SH3GL3: variants seen among roughly 807,000 people sequenced by gnomAD.
The protein encoded by SH3GL3 is endophilin-A3.
In SH3GL3, 33 loss-of-function variants were observed where a neutral mutation model predicts 47.7. The observed-to-expected ratio is 0.69, with a 90% CI of 0.52 to 0.92. The LOEUF (loss-of-function observed/expected upper bound fraction) is 0.92. Ranked by LOEUF, SH3GL3 falls within the 40% of genes least tolerant of loss-of-function variation. The pLI, the probability that SH3GL3 is intolerant of heterozygous loss-of-function variation, is 0.00. For missense variants in SH3GL3, 363 were observed against 417.8 expected (o/e 0.87, Z 1.14); for synonymous variants, 155 against 148.8 (o/e 1.04, Z -0.30).
chr15:83,548,489 C>T (rs1896812), intron 1 of SH3GL3, among the ~76,000 whole-genome samples: 12,884 of 151,418 alleles, frequency 0.085, 623 homozygotes, highest in East Asian at 0.17. Flanking sequence ...GGTGTTTGTC[C>T]GTTGTGAGAA....
At chr15:83,517,159 C>T (rs969849875) in intron 1 of SH3GL3, among the ~76,000 whole-genome samples, 4 of 151,364 alleles carry the variant, frequency 2.6e-5, no homozygotes, top group Middle Eastern at 3.4e-3. Flanking sequence ...GATGATGACA[C>T]ATTGTTTTCC....
At chr15:83,602,366 C>A (rs751350261) in intron 8 of SH3GL3, among the ~76,000 whole-genome samples, 17 of 152,174 alleles carry the variant, frequency 1.1e-4, no homozygotes, top group Non-Finnish European at 2.2e-4. Context: ...CTTTTACTTA[C>A]AGTCTGGAGG....
At chr15:83,603,734 C>G (rs559048660) in intron 8 of SH3GL3, among the ~76,000 whole-genome samples, 1 of 152,312 alleles carries the variant, frequency 6.6e-6, no homozygotes, top group South Asian at 2.1e-4. Flanking sequence ...AACATCCAAC[C>G]TTCTGGCTTT....
chr15:83,509,535 G>C (rs2042658740), intron 1 of SH3GL3, among the ~76,000 whole-genome samples: 1 of 152,176 alleles, frequency 6.6e-6, no homozygotes, highest in Non-Finnish European at 1.5e-5. Flanking sequence ...TTCAGGTTAA[G>C]ACTTCATATG....
intron 1 of SH3GL3, among the ~76,000 whole-genome samples, chr15:83,465,274 C>T (rs188338640): frequency 1.9e-3 from 284 of 151,904 alleles, no homozygotes; most frequent in Admixed American, 3.7e-3. Flanking sequence ...TGCACCACTG[C>T]ACTCCAGCCT....
intron 1 of SH3GL3, among the ~76,000 whole-genome samples, chr15:83,460,781 T>C (rs1183993806): frequency 6.6e-6 from 1 of 152,120 alleles, no homozygotes; most frequent in Non-Finnish European, 1.5e-5. Context: ...ATTCTGGTTG[T>C]TATCTTAAAA....
At chr15:83,457,167 C>G (rs2040032018) in intron 1 of SH3GL3, among the ~76,000 whole-genome samples, 1 of 152,208 alleles carries the variant, frequency 6.6e-6, no homozygotes, top group African/African-American at 2.4e-5. Context: ...TAGTCATATT[C>G]TTTCCATTTC....
At chr15:83,540,166 C>T (rs918880907) in intron 1 of SH3GL3, among the ~76,000 whole-genome samples, 2 of 152,108 alleles carry the variant, frequency 1.3e-5, no homozygotes, top group African/African-American at 4.8e-5. Flanking sequence ...GGTCAGAGAA[C>T]CTACTCTGCA....
At chr15:83,506,692 T>C (rs79233384) in intron 1 of SH3GL3, among the ~76,000 whole-genome samples, 1 of 152,348 alleles carries the variant, frequency 6.6e-6, no homozygotes, top group East Asian at 1.9e-4. Context: ...TTGAATCTTT[T>C]TATGTCCCTC....
chr15:83,530,290 G>A (rs998208098), intron 1 of SH3GL3, among the ~76,000 whole-genome samples: 1 of 152,148 alleles, frequency 6.6e-6, no homozygotes, highest in African/African-American at 2.4e-5. Context: ...GGCCCAGGAG[G>A]ATAGAGAGGC....
chr15:83,586,312 G>A (rs1171303387), intron 6 of SH3GL3, among the ~76,000 whole-genome samples: 2 of 152,138 alleles, frequency 1.3e-5, no homozygotes, highest in South Asian at 2.1e-4. Context: ...ATGAGACACA[G>A]CTCTAAAAAA....
At chr15:83,489,131 C>T (rs1199995748) in intron 1 of SH3GL3, 2 of 152,210 alleles carry the variant, frequency 1.3e-5, no homozygotes, top group Non-Finnish European at 2.9e-5. Flanking sequence ...TTATGGAAGG[C>T]TTCGTTTCTT....
intron 1 of SH3GL3, among the ~76,000 whole-genome samples, chr15:83,523,250 C>T (rs938380904): frequency 6.6e-6 from 1 of 152,200 alleles, no homozygotes; most frequent in Non-Finnish European, 1.5e-5. Flanking sequence ...ATACAAATGA[C>T]ATCTCATTTG....
intron 4 of SH3GL3, among the ~76,000 whole-genome samples, chr15:83,569,370 T>C (rs542191262): frequency 6.6e-6 from 1 of 152,366 alleles, no homozygotes; most frequent in African/African-American, 2.4e-5. Context: ...TAATATTCCA[T>C]GTATCATAGT....
At chr15:83,589,559 T>G (rs2060039961) in intron 8 of SH3GL3, among the ~76,000 whole-genome samples, 1 of 152,138 alleles carries the variant, frequency 6.6e-6, no homozygotes, top group Admixed American at 6.5e-5. Flanking sequence ...TTATTTTTTG[T>G]AGAGACAAGG....
At chr15:83,619,467 C>G (rs1207861310), downstream of SH3GL3, among the ~76,000 whole-genome samples, 1 of 152,052 alleles carries the variant, frequency 6.6e-6, no homozygotes, top group Non-Finnish European at 1.5e-5. Flanking sequence ...GCGTGTCGGG[C>G]TTAATACCTA....
rs114269138 is a variant in SH3GL3 at position 83,448,063 on chromosome 15, C to A, written c.45+485C>A. On this transcript the variant is annotated intron_variant, in intron 1 of 8. Transcript: ENST00000427482. This position sits in a 1 kb window ranked among gnomAD's most constrained non-coding sequence, Gnocchi z 4.2. Reference sequence around the variant, plus strand: ...GCGCTTGGCTGTGTCCCGCTGAGCTCCCCGCGCGCGCATCGAAATGGCCCC... The same window carrying A: ...GCGCTTGGCTGTGTCCCGCTGAGCTACCCGCGCGCGCATCGAAATGGCCCC... Among the ~76,000 whole-genome samples, 22,989 of 152,122 alleles carry A rather than the reference C, an allele frequency of 0.15. 1,846 individuals carry two copies. Among genetic ancestry groups the A allele is most frequent in the East Asian group, 0.27 (1,375 of 5,140 alleles).
chr15:83,599,123 A>G (rs930965379), intron 8 of SH3GL3, among the ~76,000 whole-genome samples: 2 of 151,780 alleles, frequency 1.3e-5, no homozygotes, highest in Admixed American at 1.3e-4. Flanking sequence ...TTTGCGCTTT[A>G]TATTTCTGTA....
At chr15:83,491,923 A>G (rs1320284526) in intron 1 of SH3GL3, among the ~76,000 whole-genome samples, 1 of 152,226 alleles carries the variant, frequency 6.6e-6, no homozygotes, top group Non-Finnish European at 1.5e-5. Context: ...TATAGGAAGG[A>G]CACAGACTTA....
Sources: gnomAD v4.1 joint callset for allele counts (sites outside exome capture counted in the v4.1 genomes callset) on GRCh38, gnomAD v4.1.1 for gene constraint, Gnocchi (gnomAD v3.1) non-coding constraint, MANE v1.5 for transcripts, NCBI Gene and HGNC (gene_info 2026-07-23, HGNC 2026-07-21) for gene names.